Variants in DNAJC16 observed in about 807,000 individuals in gnomAD.
DNAJC16 encodes the protein DnaJ heat shock protein family (Hsp40) member C16, also known as dnaJ homolog subfamily C member 16.
Under a neutral mutation model 92.7 loss-of-function variants are expected in DNAJC16, and 76 were observed. The ratio of observed to expected loss-of-function variants is 0.82; its 90% CI spans 0.68 to 0.99. The LOEUF (loss-of-function observed/expected upper bound fraction) is 0.99. DNAJC16 is among the 50% of genes least tolerant of loss of function. The pLI is 0.00. For synonymous variants in DNAJC16, 328 were observed against 358.7 expected, an observed-to-expected ratio of 0.91 and a Z score of 0.97; for missense variants, 869 against 942.4, an observed-to-expected ratio of 0.92 and a Z score of 1.02.
At chr1:15,560,655 ATTCCT>A (rs1366755736) in intron 8 of DNAJC16, among the ~76,000 whole-genome samples, 1 of 152,158 alleles carries the variant, frequency 6.6e-6, no homozygotes, top group African/African-American at 2.4e-5. Context: ...GGCTTTTCAG[ATTCCT>A]TTATAGTCTT....
At chr1:15,552,502 T>TA (rs1299935581) in intron 7 of DNAJC16, among the ~76,000 whole-genome samples, 3 of 151,852 alleles carry the variant, frequency 2.0e-5, no homozygotes, top group African/African-American at 7.2e-5. Flanking sequence ...AAAAAAAAGT[T>TA]ACTGTTTGGA....
chr1:15,540,638 G>C (rs114290127), intron 4 of DNAJC16, among the ~76,000 whole-genome samples: 1 of 152,070 alleles, frequency 6.6e-6, no homozygotes, highest in African/African-American at 2.4e-5. Context: ...ATACGAAAGA[G>C]ATGGTGAAGG....
chr1:15,565,934 C>T lies in DNAJC16; in HGVS notation c.1614C>T (p.Pro538=). ...TTGGTTTTAGGAGGGAAATGATGCC[C>T]CTGCTGTCCCTGATCTTCTCTGCCC... ...IFHNNWREMM[P]LLSLIFSALF... The change falls in exon 12 of 15, where the codon CCC becomes CCT. Residue 538 remains proline (P), a synonymous_variant. Coordinates refer to ENST00000375847, the MANE Select transcript of DNAJC16 (RefSeq NM_015291.4). 1.2e-6 allele frequency: 2 copies of T among 1,613,444 alleles called. No individual in the cohort carries two copies. The highest frequency in any genetic ancestry group is 1.7e-6 in the Non-Finnish European group (2 of 1,179,948).
intron 7 of DNAJC16, among the ~76,000 whole-genome samples, chr1:15,557,488 A>G (rs1288722466): frequency 2.6e-5 from 4 of 152,026 alleles, no homozygotes; most frequent in Middle Eastern, 3.4e-3. Flanking sequence ...TTCTTATATT[A>G]ATATATTCAT....
chr1:15,557,575 C>CAG (rs3057607), intron 7 of DNAJC16, among the ~76,000 whole-genome samples: 141,759 of 151,996 alleles, frequency 0.93, 66,215 homozygotes, highest in East Asian at 1. Context: ...TTTGACTTGA[C>CAG]AGATGTTTAT....
rs754477370 is a variant in DNAJC16, at chr1:15,565,939, T to C, written c.1619T>C (p.Leu540Pro). 6.2e-7 allele frequency: 1 copy of C among 1,614,136 alleles called. No individual in the cohort carries two copies. The highest frequency in any genetic ancestry group is 8.5e-7 in the Non-Finnish European group (1 of 1,180,028). The stretch of plus-strand genomic sequence containing the variant: ...TTTAGGAGGGAAATGATGCCCCTGC[T>C]GTCCCTGATCTTCTCTGCCCTCTTC... Reference protein sequence around the residue: ...HNNWREMMPLLSLIFSALFIL... With the variant: ...HNNWREMMPLPSLIFSALFIL... Residue 540 changes from leucine (L) to proline (P), a missense_variant, in exon 12 of 15, where the codon CTG (leucine) becomes CCG (proline). Leu to Pro is a moderately conservative substitution (Grantham distance 98). Transcript: ENST00000375847.
intron 7 of DNAJC16, among the ~76,000 whole-genome samples, chr1:15,550,913 A>C (rs1473209437): frequency 2.6e-5 from 4 of 152,220 alleles, no homozygotes; most frequent in Non-Finnish European, 4.4e-5. Flanking sequence ...TCTGTCGCCC[A>C]GGCTGGAGTG....
intron 8 of DNAJC16, among the ~76,000 whole-genome samples, chr1:15,560,943 A>G (rs898291556): frequency 1.3e-5 from 2 of 151,494 alleles, no homozygotes; most frequent in African/African-American, 2.4e-5. Context: ...AGATCCAGTC[A>G]CTCCCCATCC....
At chr1:15,538,946 C>T (rs1710860731) in intron 4 of DNAJC16, among the ~76,000 whole-genome samples, 1 of 152,166 alleles carries the variant, frequency 6.6e-6, no homozygotes. Flanking sequence ...TTCCAGTTGG[C>T]TCTGTGCCAT....
At chr1:15,553,873 A>G (rs758656211) in intron 7 of DNAJC16, among the ~76,000 whole-genome samples, 14 of 152,088 alleles carry the variant, frequency 9.2e-5, no homozygotes, top group South Asian at 2.1e-4. Context: ...AGATTCATAC[A>G]TGTCATTATT....
chr1:15,547,494 G>C lies in DNAJC16; in HGVS notation c.864+623G>C, dbSNP rs576474332. The stretch of plus-strand genomic sequence containing the variant: ...GTCTCACTCTGTTGCCCATGCTGGA[G>C]TGCAGTGGTGTGATCTAGACTCACT... On this transcript the variant is annotated intron_variant, in intron 6 of 14. Coordinates refer to ENST00000375847, the MANE Select transcript of DNAJC16 (RefSeq NM_015291.4). 2.0e-5 allele frequency among the ~76,000 whole-genome samples: 3 copies of C among 150,132 alleles called. No individual in the cohort carries two copies. In the South Asian group the frequency reaches 6.3e-4, roughly 32 times the overall value.
chr1:15,561,998 T>C, intron 8 of DNAJC16, 144 bp from the exon 9 acceptor site: 3 of 679,022 alleles, frequency 4.4e-6, no homozygotes, highest in Non-Finnish European at 4.4e-6. Context: ...AATCCTCCCT[T>C]AGTTGAAATG....
chr1:15,529,154 G>A lies in DNAJC16; in HGVS notation c.49G>A (p.Val17Ile). 7 of 1,614,042 alleles carry A rather than the reference G, an allele frequency of 4.3e-6. No homozygotes were observed. Among genetic ancestry groups the A allele is most frequent in the Non-Finnish European group, 5.9e-6 (7 of 1,179,968 alleles). Residue 17 changes from valine to isoleucine, a missense_variant, in exon 2 of 15, where the codon GTT becomes ATT. Physicochemically the swap from Val to Ile is conservative, Grantham distance 29. Coordinates refer to ENST00000375847, the MANE Select transcript of DNAJC16 (RefSeq NM_015291.4). ...TTCCTGGCAGTTCTTGATAGTTCTG[G>A]TTCTGATCCTGCAAATTCTGTCTGC... ...SISWQFLIVL[V>I]LILQILSALD... is the part of the protein sequence containing the mutation.
chr1:15,565,712 A>G lies in DNAJC16; in HGVS notation c.1599-207A>G, dbSNP rs12084479. The G allele has an allele frequency of 2.4e-4, 145 of 597,662 alleles. No homozygotes were observed. The African/African-American group carries it at 2.5e-3, about 10-fold the overall frequency. 37.0% of individuals were successfully genotyped at this position (597,662 alleles called of 1,614,324 possible). ...TACTGAGATACAAAATCAAACTTTT[A>G]GAATAAGCTGTCTGTGAATTAGAAC... On this transcript the variant is annotated intron_variant, in intron 11 of 14. Transcript: ENST00000375847.
rs559184256 is a variant in DNAJC16 at position 15,554,981 on chromosome 1, A to T, written c.1024-4545A>T. On this transcript the variant is annotated intron_variant, in intron 7 of 14. Transcript: ENST00000375847. ...TTTTATAATTTTCTCTGGAAAGAAC[A>T]TTTTTTTCAACTTATTTCTAGGTGC... Among the ~76,000 whole-genome samples the T allele has an allele frequency of 4.1e-5, 6 of 146,158 alleles. No homozygotes were observed. In the South Asian group the frequency reaches 1.3e-3, roughly 31 times the overall value.
chr1:15,563,936 T>C lies in DNAJC16; in HGVS notation c.1346T>C (p.Ile449Thr). The change falls in exon 10 of 15, where the codon ATT becomes ACT. Residue 449 changes from isoleucine to threonine, a missense_variant. Transcript: ENST00000375847. ...EAFQGKSAVS[I>T]LERRNTAGRV... ...TCTCTACTTTTCTTCCAGGTGTCTA[T>C]TTTAGAAAGGCGCAACACAGCAGGA... The C allele has an allele frequency of 1.2e-6, 2 of 1,610,124 alleles. No homozygotes were observed. The highest frequency in any genetic ancestry group is 1.7e-6 in the Non-Finnish European group (2 of 1,178,864).
At chr1:15,559,494 T>A (rs1397227373) in intron 7 of DNAJC16, 32 bp from the exon 8 acceptor site, 1 of 1,613,220 alleles carries the variant, frequency 6.2e-7, no homozygotes, top group Non-Finnish European at 8.5e-7. Flanking sequence ...GAACACTGCA[T>A]AAAATCTAGC....
Position 15,529,262 on chromosome 1 carries a change from G to C in DNAJC16, c.157G>C (p.Ala53Pro). The change falls in exon 2 of 15, where the codon GCC becomes CCC. Residue 53 changes from alanine (A) to proline (P), a missense_variant. By Grantham distance (27) the Ala-to-Pro change is conservative (BLOSUM62 -1). Coordinates refer to ENST00000375847, the MANE Select transcript of DNAJC16 (RefSeq NM_015291.4). Reference protein sequence around the residue: ...ADIKKAYKKLAREWHPDKNKD... With the variant: ...ADIKKAYKKLPREWHPDKNKD... The stretch of plus-strand genomic sequence containing the variant: ...TATTAAAAAGGCTTATAAGAAGCTC[G>C]CCCGGGAATGGTAGGTGAAACAAAG... 6 of 1,607,968 alleles carry C rather than the reference G, an allele frequency of 3.7e-6. No individual in the cohort carries two copies. Among genetic ancestry groups the C allele is most frequent in the Non-Finnish European group, 5.1e-6 (6 of 1,175,420 alleles).
chr1:15,542,767 G>T (rs1710962547), intron 4 of DNAJC16, among the ~76,000 whole-genome samples: 1 of 152,192 alleles, frequency 6.6e-6, no homozygotes, highest in African/African-American at 2.4e-5. Context: ...GAGGATTTAT[G>T]GGGAACCCCC....
Sources: allele counts gnomAD v4.1 joint callset (sites outside exome capture counted in the v4.1 genomes callset), GRCh38; gene constraint gnomAD v4.1.1; transcripts MANE v1.5; gene names NCBI Gene and HGNC (gene_info 2026-07-23, HGNC 2026-07-21).